Variants in P4HA3 observed in about 807,000 individuals in gnomAD.
P4HA3 encodes prolyl 4-hydroxylase subunit alpha 3, also known as prolyl 4-hydroxylase subunit alpha-3.
A neutral mutation model predicts 66.7 loss-of-function variants in P4HA3; 60 were observed. The observed-to-expected ratio is 0.90, with a 90% CI of 0.73 to 1.12. The LOEUF is 1.12. P4HA3 is among the 50% of genes most tolerant of loss of function. The pLI is 0.00. For missense variants in P4HA3, 683 were observed against 685.8 expected (o/e 1.00, Z 0.05); for synonymous variants, 263 against 274.6 (o/e 0.96, Z 0.42).
chr11:74,265,727 T>C (rs1052819477), downstream of P4HA3, among the ~76,000 whole-genome samples: 1 of 152,182 alleles, frequency 6.6e-6, no homozygotes. Context: ...TGCCTACTTA[T>C]GTTGAACCAG....
intron 9 of P4HA3, among the ~76,000 whole-genome samples, chr11:74,275,637 A>G (rs1305275374): frequency 6.6e-6 from 1 of 152,178 alleles, no homozygotes; most frequent in Non-Finnish European, 1.5e-5. Flanking sequence ...CTTTTTCAAA[A>G]TTGTTTTGGC....
intron 9 of P4HA3, 118 bp downstream of exon 9, chr11:74,276,867 C>G (rs916984649): frequency 6.1e-6 from 7 of 1,139,506 alleles, no homozygotes; most frequent in Non-Finnish European, 8.4e-6. Flanking sequence ...GGAAAAAGAA[C>G]CTTTGTTCTA....
In P4HA3 at chr11:74,287,090, A is replaced by G. The variant is rs1047107166; in HGVS notation, c.770-699T>C. The stretch of plus-strand genomic sequence containing the variant: ...CCACAGGGCCCTTGGGAAACCCAAT[A>G]AATCTTGTGTCTTGTTTGTGCCCAC... On this transcript the variant is annotated intron_variant, in intron 5 of 12. Transcript: ENST00000331597. The G allele has an allele frequency of 2.6e-6, 3 of 1,169,596 alleles. No homozygotes were observed. In the African/African-American group the frequency reaches 4.8e-5, roughly 19 times the overall value. The allele number at this position is 1,169,596 out of a possible 1,614,324, so 72.5% of individuals were successfully genotyped here. A position where few individuals can be genotyped will look rare whatever the true frequency, so the allele number is the denominator to read the frequency against.
chr11:74,251,632 T>G, intron 15 of P4HA3: 1 of 1,612,224 alleles, frequency 6.2e-7, no homozygotes, highest in Non-Finnish European at 8.5e-7. Flanking sequence ...GCCTGGAATA[T>G]CTCTCCCATT....
chr11:74,253,163 G>C lies in P4HA3; in HGVS notation c.*1319-5162C>G, dbSNP rs145132766. On this transcript the variant is annotated intron_variant and NMD_transcript_variant, in intron 15 of 15. Transcript: ENST00000524388. ...GCACTGGAGATGATGGCAAGACCTT[G>C]GGACAGTGAACCACAGAAGCGACAC... 3.5e-3 allele frequency among the ~76,000 whole-genome samples: 532 copies of C among 152,284 alleles called. 3 individuals carry two copies. Among genetic ancestry groups the C allele is most frequent in the Middle Eastern group, 0.027 (8 of 294 alleles).
chr11:74,269,743 C>T, intron 10 of P4HA3, 23 bp from the exon 11 acceptor site: 1 of 1,612,838 alleles, frequency 6.2e-7, no homozygotes, highest in Non-Finnish European at 8.5e-7. Context: ...AGGAAGAAGC[C>T]AGAGTTAAAA....
At chr11:74,251,793 A>G in intron 15 of P4HA3, 3 of 1,555,806 alleles carry the variant, frequency 1.9e-6, no homozygotes, top group Non-Finnish European at 2.7e-6. Flanking sequence ...GACTGTAAAT[A>G]TCTCTGCCTT....
chr11:74,289,456 T>C (rs972405814), intron 4 of P4HA3, among the ~76,000 whole-genome samples: 3 of 152,160 alleles, frequency 2.0e-5, no homozygotes, highest in African/African-American at 7.2e-5. Flanking sequence ...AATTTTATTA[T>C]TATTATACTT....
chr11:74,292,829 G>A lies in P4HA3; in HGVS notation c.718-3699C>T, dbSNP rs868621805. 3.3e-5 allele frequency among the ~76,000 whole-genome samples: 5 copies of A among 152,242 alleles called. No individual in the cohort carries two copies. The Middle Eastern group carries it at 0.01, about 311-fold the overall frequency. On this transcript the variant is annotated intron_variant, in intron 4 of 12. Coordinates refer to ENST00000331597, the MANE Select transcript of P4HA3 (RefSeq NM_182904.5). ...TGACAGACAGTTTGTTATAATTTCT[G>A]TTCTTTTACATTTGCTGAGGAGTGC...
intron 10 of P4HA3, 109 bp from the exon 11 acceptor site, chr11:74,269,829 C>A: frequency 9.0e-7 from 1 of 1,107,920 alleles, no homozygotes; most frequent in Non-Finnish European, 1.3e-6. Context: ...TTCTTCAACT[C>A]TGAGAGAAAT....
At chr11:74,252,362 A>G in intron 15 of P4HA3, 3 of 444,464 alleles carry the variant, frequency 6.7e-6, no homozygotes, top group Non-Finnish European at 1.3e-5. Context: ...TGTTGGGATT[A>G]TAGGGATTAT....
Position 74,289,134 on chromosome 11 carries a change from T to C in P4HA3, c.718-4A>G. 1.3e-6 allele frequency: 2 copies of C among 1,557,028 alleles called. No homozygotes were observed. The highest frequency in any genetic ancestry group is 2.3e-5 in the East Asian group (1 of 43,346). On this transcript the variant is annotated splice_region_variant and splice_polypyrimidine_tract_variant and intron_variant, in intron 4 of 12. Transcript: ENST00000331597. ...GGGCACACGAAACATTTCCTGCCTG[T>C]TAAAAAAAAAAAAAAGAAAAGAAAG...
intron 4 of P4HA3, among the ~76,000 whole-genome samples, chr11:74,293,585 C>T (rs903316624): frequency 1.4e-4 from 21 of 152,082 alleles, no homozygotes; most frequent in African/African-American, 4.8e-4. Context: ...TGGCTGGTAC[C>T]AGTTGTTCCT....
rs1369245114 is a variant in P4HA3 at position 74,290,419 on chromosome 11, CT to C, written c.718-1290del. Among the ~76,000 whole-genome samples, 39 of 149,984 alleles carry C rather than the reference CT, an allele frequency of 2.6e-4. No homozygotes were observed. The East Asian group carries it at 7.4e-3, about 28-fold the overall frequency. On this transcript the variant is annotated intron_variant, in intron 4 of 12. Coordinates refer to ENST00000331597, the MANE Select transcript of P4HA3 (RefSeq NM_182904.5). ...TGCCTGTTCACTCTGATGGTAGTTTCTTTTGCTGTGCAGAAGCTCTTTAGTT... is the reference window on the plus strand; with the variant it reads ...TGCCTGTTCACTCTGATGGTAGTTTCTTTGCTGTGCAGAAGCTCTTTAGTT...
At chr11:74,296,926 C>CT (rs1201395887) in intron 4 of P4HA3, among the ~76,000 whole-genome samples, 10 of 132,642 alleles carry the variant, frequency 7.5e-5, no homozygotes, top group Non-Finnish European at 1.5e-4. Context: ...TTTTTTTTTT[C>CT]TTTTTTTCTT....
At position 74,276,977 on chromosome 11, in the gene P4HA3, A is replaced by T; in HGVS notation, c.1335+8T>A. ...CCCCAGGGGATTGGTCATTGACTCC[A>T]CCATTACCGTAGCATGGTCAAAGTG... On this transcript the variant is annotated splice_region_variant and intron_variant, in intron 9 of 12. Coordinates refer to ENST00000331597, the MANE Select transcript of P4HA3 (RefSeq NM_182904.5). The T allele has an allele frequency of 6.2e-7, 1 of 1,610,362 alleles. No individual in the cohort carries two copies. The highest frequency in any genetic ancestry group is 2.2e-5 in the East Asian group (1 of 44,752).
intron 9 of P4HA3, 22 bp downstream of exon 9, chr11:74,276,963 T>C: frequency 6.3e-7 from 1 of 1,599,646 alleles, no homozygotes; most frequent in Non-Finnish European, 8.5e-7. Context: ...CCCAGGGGAT[T>C]GGTCATTGAC....
At chr11:74,262,010 C>T (rs184557763), downstream of P4HA3, among the ~76,000 whole-genome samples, 478 of 152,298 alleles carry the variant, frequency 3.1e-3, 3 homozygotes, top group Middle Eastern at 0.034. Context: ...TAACTACTGC[C>T]CTCCAGTCCC....
At chr11:74,273,868 T>C (rs1860295606) in intron 9 of P4HA3, among the ~76,000 whole-genome samples, 1 of 152,120 alleles carries the variant, frequency 6.6e-6, no homozygotes, top group Admixed American at 6.5e-5. Context: ...GAAAGTACTA[T>C]ATGAGGGGTT....
Sources: allele counts gnomAD v4.1 joint callset (sites outside exome capture counted in the v4.1 genomes callset), GRCh38; gene constraint gnomAD v4.1.1; transcripts MANE v1.5; gene names NCBI Gene and HGNC (gene_info 2026-07-23, HGNC 2026-07-21).